Variants in SETBP1 observed in about 807,000 individuals in gnomAD.
SETBP1 encodes SET binding protein 1.
Under a neutral mutation model 101.0 loss-of-function variants are expected in SETBP1, and 9 were observed. The ratio of observed to expected loss-of-function variants is 0.09; its 90% CI spans 0.05 to 0.16. The LOEUF is 0.16. Among genes scored for constraint, SETBP1 ranks in the 10% least tolerant of loss-of-function variants. SETBP1 has a pLI of 1.00. For synonymous variants in SETBP1, 818 were observed against 788.5 expected, an observed-to-expected ratio of 1.04 and a Z score of -0.63; for missense variants, 1,858 against 2,033.8, an observed-to-expected ratio of 0.91 and a Z score of 1.66.
Position 44,950,430 on chromosome 18 carries a change from A to C in SETBP1, c.1090A>C (p.Asn364His), listed in dbSNP as rs769398770. The C allele has an allele frequency of 6.2e-7, 1 of 1,614,186 alleles. No homozygotes were observed. Among genetic ancestry groups the C allele is most frequent in the East Asian group, 2.2e-5 (1 of 44,872 alleles). The change falls in exon 4 of 6, where the codon AAT becomes CAT. Residue 364 changes from asparagine to histidine, a missense_variant. Around this residue, in one of 12 missense-constraint regions of SETBP1, gnomAD observed 581 missense variants for 535.1 expected, o/e 1.09. Coordinates refer to ENST00000649279, the MANE Select transcript of SETBP1 (RefSeq NM_015559.3). ...WVKNAQKAFD[N>H]TEGKREGYSA... ...CAAGAATGCCCAGAAAGCATTTGAC[A>C]ATACAGAAGGGAAAAGGGAAGGTTA... is the stretch of plus-strand genomic sequence containing the variant.
At chr18:44,689,647 G>A (rs1188883959) in intron 1 of SETBP1, among the ~76,000 whole-genome samples, 1 of 152,212 alleles carries the variant, frequency 6.6e-6, no homozygotes, top group Admixed American at 6.5e-5. Flanking sequence ...GGGAGCCCGA[G>A]GGGTTTAGTG....
Position 44,794,056 on chromosome 18 carries a change from T to A in SETBP1, c.487-75174T>A, listed in dbSNP as rs144930529. Among the ~76,000 whole-genome samples the A allele has an allele frequency of 5.2e-3, 786 of 152,230 alleles. 7 individuals are homozygous for A. The highest frequency in any genetic ancestry group is 0.024 in the Middle Eastern group (7 of 294). On this transcript the variant is annotated intron_variant, in intron 2 of 5. Transcript: ENST00000649279. ...CTGTAACTACTGTGACTGAACAGATTTTTTGGAGGTTGGTTGGCAGGTAAA... is the reference window on the plus strand; with the variant it reads ...CTGTAACTACTGTGACTGAACAGATATTTTGGAGGTTGGTTGGCAGGTAAA...
chr18:45,028,336 G>T (rs2073214728), intron 4 of SETBP1, among the ~76,000 whole-genome samples: 1 of 151,986 alleles, frequency 6.6e-6, no homozygotes, highest in South Asian at 2.1e-4. Context: ...CAAAGGACAT[G>T]AACTCATCAT....
chr18:44,748,292 A>G (rs1427872408), intron 2 of SETBP1, among the ~76,000 whole-genome samples: 1 of 152,260 alleles, frequency 6.6e-6, no homozygotes, highest in Non-Finnish European at 1.5e-5. Flanking sequence ...TCTCAGAGTT[A>G]GTATAAAAGA....
At chr18:44,697,282 G>C (rs1418233875) in intron 1 of SETBP1, 3 of 152,290 alleles carry the variant, frequency 2.0e-5, no homozygotes, top group Non-Finnish European at 4.4e-5. Context: ...AGGCAGGTAC[G>C]TGCTGGGAAG....
chr18:44,720,893 G>A (rs1418201313), intron 2 of SETBP1, among the ~76,000 whole-genome samples: 1 of 145,284 alleles, frequency 6.9e-6, no homozygotes, highest in African/African-American at 2.6e-5. Flanking sequence ...AAGCAATGGA[G>A]CCCTCCAACC....
At chr18:44,912,793 GCAGT>G (rs2070343791) in intron 3 of SETBP1, among the ~76,000 whole-genome samples, 1 of 152,204 alleles carries the variant, frequency 6.6e-6, no homozygotes, top group South Asian at 2.1e-4. Context: ...GTGTACACAA[GCAGT>G]CAGTTAGCTG....
chr18:44,823,130 A>C (rs2072153559), intron 2 of SETBP1, among the ~76,000 whole-genome samples: 1 of 152,140 alleles, frequency 6.6e-6, no homozygotes, highest in Admixed American at 6.5e-5. Context: ...GACTTCTCCA[A>C]AAAAAAGGAA....
In SETBP1 at chr18:44,869,335, G is replaced by A. The variant is rs1285288547; in HGVS notation, c.540+52G>A. ...GTTTGGAAGAGTAAAATGATCCAGAGTTTGGTTGTCAACAAGCACCTTTGG... is the reference window on the plus strand; with the variant it reads ...GTTTGGAAGAGTAAAATGATCCAGAATTTGGTTGTCAACAAGCACCTTTGG... On this transcript the variant is annotated intron_variant, in intron 3 of 5. Transcript: ENST00000649279. 2.6e-6 allele frequency: 4 copies of A among 1,562,932 alleles called. No individual in the cohort carries two copies. In the Admixed American group the frequency reaches 5.0e-5, roughly 20 times the overall value.
intron 2 of SETBP1, among the ~76,000 whole-genome samples, chr18:44,778,755 G>A (rs2071060036): frequency 6.6e-6 from 1 of 152,208 alleles, no homozygotes; most frequent in African/African-American, 2.4e-5. Context: ...GCCTGCGGAA[G>A]GCTTCCATGG....
intron 1 of SETBP1, among the ~76,000 whole-genome samples, chr18:44,696,768 A>G (rs2069025021): frequency 6.6e-6 from 1 of 152,240 alleles, no homozygotes; most frequent in Non-Finnish European, 1.5e-5. Context: ...AGAGATCCAC[A>G]AAGTGTGGGT....
At chr18:44,945,687 T>A (rs2071190784) in intron 3 of SETBP1, among the ~76,000 whole-genome samples, 1 of 152,192 alleles carries the variant, frequency 6.6e-6, no homozygotes, top group African/African-American at 2.4e-5. Flanking sequence ...TTCCCTCACA[T>A]GTTAGCTGTT....
At chr18:44,973,461 A>G (rs890919909) in intron 4 of SETBP1, among the ~76,000 whole-genome samples, 7 of 152,206 alleles carry the variant, frequency 4.6e-5, no homozygotes, top group African/African-American at 1.7e-4. Context: ...CAAAGGATGC[A>G]GTTGCTGCCC....
intron 4 of SETBP1, chr18:44,987,543 A>G (rs768298418): frequency 6.6e-6 from 1 of 152,202 alleles, no homozygotes; most frequent in Non-Finnish European, 1.5e-5. Flanking sequence ...TGAAAGGAAG[A>G]TGTGATTTAT....
At chr18:44,900,743 C>T (rs2070025103) in intron 3 of SETBP1, among the ~76,000 whole-genome samples, 1 of 152,120 alleles carries the variant, frequency 6.6e-6, no homozygotes, top group Non-Finnish European at 1.5e-5. Context: ...TTTAACCAGC[C>T]CTCCCGGTGA....
At chr18:44,874,787 A>G (rs143769267) in intron 3 of SETBP1, among the ~76,000 whole-genome samples, 9 of 152,340 alleles carry the variant, frequency 5.9e-5, no homozygotes, top group African/African-American at 1.9e-4. Flanking sequence ...GGACACAACC[A>G]TCTGCAGAAC....
intron 4 of SETBP1, among the ~76,000 whole-genome samples, chr18:45,011,701 C>T (rs1408135393): frequency 1.3e-5 from 2 of 152,302 alleles, no homozygotes; most frequent in East Asian, 1.9e-4. Context: ...AAAACCTACT[C>T]CCCAGGCGTG....
chr18:44,909,665 T>C lies in SETBP1; in HGVS notation c.541-40216T>C, dbSNP rs180810413. 5.9e-4 allele frequency among the ~76,000 whole-genome samples: 90 copies of C among 152,336 alleles called. No homozygotes were observed. In the Middle Eastern group the frequency reaches 0.017, roughly 29 times the overall value. On this transcript the variant is annotated intron_variant, in intron 3 of 5. Transcript: ENST00000649279. Reference sequence around the variant, plus strand: ...CACGTTCACTGAAAGTAAGACCTTATGCTATGCATTACCTTCATATGAAGT... The same window carrying C: ...CACGTTCACTGAAAGTAAGACCTTACGCTATGCATTACCTTCATATGAAGT...
At chr18:44,723,333 G>T (rs2069640265) in intron 2 of SETBP1, among the ~76,000 whole-genome samples, 1 of 152,006 alleles carries the variant, frequency 6.6e-6, no homozygotes, top group Non-Finnish European at 1.5e-5. Flanking sequence ...TATTTGAGAG[G>T]GTCACACTGT....
Sources: allele counts gnomAD v4.1 joint callset (sites outside exome capture counted in the v4.1 genomes callset), GRCh38; gene constraint gnomAD v4.1.1; regional missense constraint gnomAD v4.1.1; transcripts MANE v1.5; gene names NCBI Gene and HGNC (gene_info 2026-07-23, HGNC 2026-07-21).